The following PAGE2B variants were observed in gnomAD, a reference collection of about 807,000 sequenced individuals.
The protein encoded by PAGE2B is putative G antigen family E member 3.
A neutral mutation model predicts 7.6 loss-of-function variants in PAGE2B; 5 were observed. The ratio of observed to expected loss-of-function variants is 0.66; its 90% confidence interval spans 0.34 to 1.38. PAGE2B has a LOEUF of 1.38. PAGE2B is among the 40% of genes most tolerant of loss of function. The pLI is 0.04. For synonymous variants in PAGE2B, 29 were observed against 26.7 expected, an observed-to-expected ratio of 1.09 and a Z score of -0.27; for missense variants, 70 against 78.4, an observed-to-expected ratio of 0.89 and a Z score of 0.41.
At chrX:55,029,608 T>G in the PAGE2B span, among the ~76,000 whole-genome samples, 1 of 111,533 alleles carries the variant, frequency 9.0e-6, no homozygotes, top group Non-Finnish European at 1.9e-5. Flanking sequence ...TCTTTCCAGG[T>G]CATATGCCAT....
the PAGE2B span, among the ~76,000 whole-genome samples, chrX:55,046,177 G>A: frequency 3.6e-5 from 4 of 111,136 alleles, no homozygotes; most frequent in East Asian, 2.8e-4. Context: ...GCAGTGGCAC[G>A]ATCTTGGCTC....
the PAGE2B span, among the ~76,000 whole-genome samples, chrX:55,058,954 C>T: frequency 9.0e-6 from 1 of 110,840 alleles, no homozygotes; most frequent in African/African-American, 3.3e-5. Flanking sequence ...AAATTAACTG[C>T]CCTCCACCCA....
At chrX:55,043,104 TA>T in the PAGE2B span, among the ~76,000 whole-genome samples, 1 of 111,376 alleles carries the variant, frequency 9.0e-6, no homozygotes, top group African/African-American at 3.3e-5. Flanking sequence ...AAGGACATCC[TA>T]TTCAATAAAT....
chrX:55,051,426 C>T, the PAGE2B span, among the ~76,000 whole-genome samples: 7 of 112,090 alleles, frequency 6.2e-5, no homozygotes, highest in African/African-American at 2.3e-4. Context: ...TTCCACTCTC[C>T]CTGTCACTTT....
At chrX:55,037,558 A>G in the PAGE2B span, among the ~76,000 whole-genome samples, 1 of 111,254 alleles carries the variant, frequency 9.0e-6, no homozygotes, top group Non-Finnish European at 1.9e-5. Context: ...CTGGGTATAT[A>G]CCCAAAGGAT....
the PAGE2B span, chrX:55,054,964 G>A: frequency 9.0e-6 from 1 of 111,366 alleles, no homozygotes; most frequent in East Asian, 2.8e-4. Context: ...AAAGGATAAC[G>A]TATTTTTTTC....
At chrX:55,071,142 G>A (rs775708539), upstream of PAGE2B, among the ~76,000 whole-genome samples, 52 of 110,158 alleles carry the variant, frequency 4.7e-4, no homozygotes, top group Non-Finnish European at 8.4e-4. Flanking sequence ...TGGTCTTTAC[G>A]ATTAGTTTTT....
At chrX:55,042,653 C>CAAAA in the PAGE2B span, among the ~76,000 whole-genome samples, 24 of 11,862 alleles carry the variant, frequency 2.0e-3, 1 homozygote, top group African/African-American at 3.5e-3. Flanking sequence ...GACTCCGTCT[C>CAAAA]AAAAAAAAAA....
At chrX:55,050,144 C>G in the PAGE2B span, among the ~76,000 whole-genome samples, 396 of 112,400 alleles carry the variant, frequency 3.5e-3, 2 homozygotes, top group African/African-American at 0.012. Flanking sequence ...ATCCTGAGTT[C>G]TAGTTTGATT....
the PAGE2B span, among the ~76,000 whole-genome samples, chrX:55,032,364 G>A: frequency 8.9e-6 from 1 of 111,833 alleles, no homozygotes; most frequent in African/African-American, 3.3e-5. Context: ...GTATATCAGT[G>A]TTGCTTTGAT....
the PAGE2B span, among the ~76,000 whole-genome samples, chrX:55,059,594 T>G: frequency 1.8e-5 from 2 of 112,038 alleles, no homozygotes; most frequent in Admixed American, 1.9e-4. Flanking sequence ...ATGTATCCAT[T>G]GCCTCATATA....
chrX:55,049,497 C>A, the PAGE2B span, among the ~76,000 whole-genome samples: 7 of 111,506 alleles, frequency 6.3e-5, no homozygotes, highest in African/African-American at 2.0e-4. Context: ...TGTTTTTGGT[C>A]TATTCAGAGA....
the PAGE2B span, among the ~76,000 whole-genome samples, chrX:55,030,736 C>T: frequency 9.2e-6 from 1 of 108,318 alleles, no homozygotes; most frequent in East Asian, 2.9e-4. Flanking sequence ...AAGAAAGTAA[C>T]GAAGGGAAAA....
At chrX:55,073,379 G>T (rs1204357193), upstream of PAGE2B, among the ~76,000 whole-genome samples, 1 of 110,946 alleles carries the variant, frequency 9.0e-6, no homozygotes, top group Non-Finnish European at 1.9e-5. Context: ...CCCTCCATGG[G>T]CTGCACCCAC....
the PAGE2B span, among the ~76,000 whole-genome samples, chrX:55,043,832 G>C: frequency 9.1e-6 from 1 of 109,768 alleles, no homozygotes; most frequent in Non-Finnish European, 1.9e-5. Context: ...CGAGTGTGGT[G>C]GTGTATGCCT....
chrX:55,033,571 A>C, the PAGE2B span, among the ~76,000 whole-genome samples: 1 of 111,810 alleles, frequency 8.9e-6, no homozygotes, highest in South Asian at 3.7e-4. Flanking sequence ...CCTTCTCTAC[A>C]TAGTCCCCTC....
the PAGE2B span, among the ~76,000 whole-genome samples, chrX:55,042,450 C>T: frequency 2.8e-5 from 3 of 108,314 alleles, no homozygotes; most frequent in East Asian, 5.8e-4. Context: ...GTCAGGAGAT[C>T]GAGACCATCC....
Position 55,076,139 on chromosome X carries a change from CA to C in PAGE2B, c.84+15del, listed in dbSNP as rs1936510425. 8.4e-7 allele frequency: 1 copy of C among 1,193,759 alleles called. No homozygotes were observed. On this transcript the variant is annotated intron_variant, in intron 2 of 4. Transcript: ENST00000374971. ...GGATCTGTGATTGTGAGTCCTTTAA[CA>C]TTTGATGTTTCCTATTAACACAATT...
At chrX:55,064,615 G>C in the PAGE2B span, among the ~76,000 whole-genome samples, 4 of 108,418 alleles carry the variant, frequency 3.7e-5, no homozygotes, top group Non-Finnish European at 7.7e-5. Context: ...TGCTTTTCTA[G>C]TACTTTTGGA....
Sources: allele counts gnomAD v4.1 joint callset (sites outside exome capture counted in the v4.1 genomes callset), GRCh38; gene constraint gnomAD v4.1.1; transcripts MANE v1.5; gene names NCBI Gene and HGNC (gene_info 2026-07-23, HGNC 2026-07-21).